The following CD163L1 variants were observed in gnomAD, a reference collection of about 807,000 sequenced individuals.
CD163L1 encodes scavenger receptor cysteine-rich type 1 protein M160.
In CD163L1, 124 loss-of-function variants were observed where a neutral mutation model predicts 165.4. The ratio of observed to expected loss-of-function variants is 0.75; its 90% CI spans 0.65 to 0.87. CD163L1 has a LOEUF of 0.87. Ranked by LOEUF, CD163L1 falls within the 40% of genes least tolerant of loss-of-function variation. The pLI, the probability that CD163L1 is intolerant of heterozygous loss-of-function variation, is 0.00. For missense variants in CD163L1, 1,525 were observed against 1,799.9 expected (o/e 0.85, Z 2.76); for synonymous variants, 585 against 662.2 (o/e 0.88, Z 1.79).
At chr12:7,350,165 A>C (rs1946697788), downstream of CD163L1, among the ~76,000 whole-genome samples, 1 of 152,186 alleles carries the variant, frequency 6.6e-6, no homozygotes, top group South Asian at 2.1e-4. Context: ...TCATTTGCTA[A>C]AACATGTACC....
chr12:7,373,736 A>G, intron 13 of CD163L1, 96 bp from the exon 14 acceptor site: 1 of 992,420 alleles, frequency 1.0e-6, no homozygotes, highest in Non-Finnish European at 1.5e-6. Flanking sequence ...ATAATACATT[A>G]GGGCTCACAA....
intron 1 of CD163L1, among the ~76,000 whole-genome samples, chr12:7,442,700 C>T (rs1207710520): frequency 6.6e-6 from 1 of 152,038 alleles, no homozygotes; most frequent in Non-Finnish European, 1.5e-5. Context: ...TTCTTTTGTT[C>T]CTAATAAGAA....
At chr12:7,413,535 G>A (rs1357246791) in intron 4 of CD163L1, among the ~76,000 whole-genome samples, 4 of 152,224 alleles carry the variant, frequency 2.6e-5, no homozygotes, top group East Asian at 3.9e-4. Context: ...GGATCCCTCC[G>A]CTAGCTAATA....
chr12:7,369,398 C>T lies in CD163L1; in HGVS notation c.3998G>A (p.Ser1333Asn). ...AGCATCTTCCTTGTGTCCACAGTCA[C>T]TCTGTCCCCAGGGTTTGGCGTGACA... ...WDCHAKPWGQ[S>N]DCGHKEDAGV... Residue 1333 changes from serine to asparagine, a missense_variant, in exon 15 of 20, where the codon AGT (serine) becomes AAT (asparagine). Ser to Asn is a conservative substitution (Grantham distance 46). Coordinates refer to ENST00000313599, the MANE Select transcript of CD163L1 (RefSeq NM_174941.6). The surrounding 1 kb of genome is among the most constrained non-coding windows in gnomAD (Gnocchi z 4.9). 6.2e-7 allele frequency: 1 copy of T among 1,614,156 alleles called. No homozygotes were observed. Among genetic ancestry groups the T allele is most frequent in the Non-Finnish European group, 8.5e-7 (1 of 1,180,008 alleles).
intron 4 of CD163L1, among the ~76,000 whole-genome samples, chr12:7,429,060 T>A (rs1400130495): frequency 6.6e-6 from 1 of 152,072 alleles, no homozygotes. Context: ...AAGATATGTG[T>A]AGCAAAGTTT....
chr12:7,425,199 T>A (rs1454787295), intron 4 of CD163L1, among the ~76,000 whole-genome samples: 2 of 152,164 alleles, frequency 1.3e-5, no homozygotes, highest in African/African-American at 4.8e-5. Flanking sequence ...AACCATCTGA[T>A]CCTTGATAAA....
At chr12:7,328,188 T>C in the CD163L1 span, 1 of 890,410 alleles carries the variant, frequency 1.1e-6, no homozygotes. Flanking sequence ...AATCTCGACT[T>C]TAAAATTCAG....
In CD163L1 at chr12:7,398,271, G is replaced by A. The variant is rs1947819495; in HGVS notation, c.1722C>T (p.Thr574=). 5.0e-6 allele frequency: 8 copies of A among 1,612,916 alleles called. No individual in the cohort carries two copies. Among genetic ancestry groups the A allele is most frequent in the Non-Finnish European group, 6.8e-6 (8 of 1,179,392 alleles). ...AACAAGAACAAGTCTTACCTGAGCA[G>A]GTTACAATCACATCCTCTCTGTGTA... ...NCVHREDVIV[T]CSGDATWGLR... is the part of the protein sequence containing the mutation. Residue 574 remains threonine (T), a synonymous_variant, in exon 7 of 20, where the codon ACC becomes ACT. Transcript: ENST00000313599. The surrounding 1 kb of genome is among the most constrained non-coding windows in gnomAD (Gnocchi z 4.5).
rs59576617 is a variant in CD163L1, at chr12:7,368,967, T to TGA, written c.4040-4_4040-3dup. ...CATTCAGTGATTTCAGCGACTGTCC[T>TGA]GAGAGAGAGAGAGAGAGAGAGAGAC... On this transcript the variant is annotated splice_region_variant and splice_polypyrimidine_tract_variant and intron_variant, in intron 15 of 19. Transcript: ENST00000313599. This position sits in a 1 kb window ranked among gnomAD's most constrained non-coding sequence, Gnocchi z 4.3. 10,219 of 1,529,880 alleles carry TGA rather than the reference T, an allele frequency of 6.7e-3. 108 individuals are homozygous for TGA. The African/African-American group carries it at 0.073, about 11-fold the overall frequency. The allele number at this position is 1,529,880 out of a possible 1,614,324, so 94.8% of individuals were successfully genotyped here.
chr12:7,431,456 T>A (rs1378832085), intron 4 of CD163L1, among the ~76,000 whole-genome samples: 9 of 152,062 alleles, frequency 5.9e-5, no homozygotes, highest in Non-Finnish European at 1.3e-4. Context: ...AGGCACATTT[T>A]AAAATATTTA....
chr12:7,332,696 G>A, the CD163L1 span, among the ~76,000 whole-genome samples: 2 of 152,154 alleles, frequency 1.3e-5, no homozygotes, highest in Admixed American at 6.6e-5. Context: ...CTTCATAAGT[G>A]AAGGAGAAAT....
intron 18 of CD163L1, 124 bp downstream of exon 18, chr12:7,367,112 C>T: frequency 2.1e-6 from 1 of 467,886 alleles, no homozygotes; most frequent in Non-Finnish European, 3.9e-6. Context: ...GTTTGTTTCC[C>T]TTTCGCGTAT....
intron 14 of CD163L1, among the ~76,000 whole-genome samples, chr12:7,370,856 T>C (rs1947131053): frequency 6.6e-6 from 1 of 152,188 alleles, no homozygotes; most frequent in South Asian, 2.1e-4. Context: ...TATATAATAA[T>C]AAATTCAGAG....
At chr12:7,319,815 TA>T in the CD163L1 span, among the ~76,000 whole-genome samples, 1 of 152,206 alleles carries the variant, frequency 6.6e-6, no homozygotes, top group Non-Finnish European at 1.5e-5. Flanking sequence ...GTTGGTAAGT[TA>T]ACTTTGCAGT....
At chr12:7,418,869 T>C (rs1639086365) in intron 4 of CD163L1, among the ~76,000 whole-genome samples, 1 of 151,924 alleles carries the variant, frequency 6.6e-6, no homozygotes, top group Admixed American at 6.6e-5. Context: ...CAAGCAGTGA[T>C]ATTGAAATGG....
intron 5 of CD163L1, among the ~76,000 whole-genome samples, chr12:7,404,548 A>G (rs922256748): frequency 2.0e-5 from 3 of 152,200 alleles, no homozygotes; most frequent in Non-Finnish European, 2.9e-5. Context: ...ATACAAATAA[A>G]TATATTAAAT....
chr12:7,376,021 A>G lies in CD163L1; in HGVS notation c.2372-7T>C. 1.2e-6 allele frequency: 2 copies of G among 1,608,416 alleles called. No individual in the cohort carries two copies. The highest frequency in any genetic ancestry group is 1.7e-6 in the Non-Finnish European group (2 of 1,177,502). On this transcript the variant is annotated splice_polypyrimidine_tract_variant and splice_region_variant and intron_variant, in intron 9 of 19. Coordinates refer to ENST00000313599, the MANE Select transcript of CD163L1 (RefSeq NM_174941.6). ...AGCCTGGGCTGCCTGTGGGCTATAA[A>G]ATAATATTTCAAAGGTTAGTTTTTA...
chr12:7,338,676 G>C, the CD163L1 span, among the ~76,000 whole-genome samples: 2 of 152,062 alleles, frequency 1.3e-5, no homozygotes, highest in Non-Finnish European at 2.9e-5. Flanking sequence ...AGTGTTTTAG[G>C]CTCAATAGAC....
intron 8 of CD163L1, among the ~76,000 whole-genome samples, chr12:7,389,960 T>TATATATATATATA (rs1555197839): frequency 8.8e-5 from 12 of 135,936 alleles, no homozygotes; most frequent in Middle Eastern, 3.8e-3. Flanking sequence ...ATATATATAT[T>TATATATATATATA]TATATATATA....
Sources: allele counts gnomAD v4.1 joint callset (sites outside exome capture counted in the v4.1 genomes callset), GRCh38; gene constraint gnomAD v4.1.1; non-coding constraint Gnocchi (gnomAD v3.1); transcripts MANE v1.5; gene names NCBI Gene and HGNC (gene_info 2026-07-23, HGNC 2026-07-21).